Variants in FAM120C observed in about 807,000 individuals in gnomAD.
FAM120C encodes family with sequence similarity 120 member C, also known as constitutive coactivator of PPAR-gamma-like protein 2.
FAM120C carries 14 observed loss-of-function variants against 71.2 expected under a neutral mutation model. That is an observed-to-expected ratio of 0.20 (90% CI 0.13 to 0.31). The LOEUF (loss-of-function observed/expected upper bound fraction) is 0.31. FAM120C is among the 10% of genes least tolerant of loss of function. The pLI is 1.00. For missense variants in FAM120C, 500 were observed against 879.0 expected (o/e 0.57, Z 5.45); for synonymous variants, 354 against 353.2 (o/e 1.00, Z -0.03).
At chrX:54,149,984 A>G (rs1231272672) in intron 4 of FAM120C, among the ~76,000 whole-genome samples, 2 of 112,474 alleles carry the variant, frequency 1.8e-5, no homozygotes, top group African/African-American at 3.2e-5. Context: ...ATAAAATCCC[A>G]GTTGAGCTCT....
At chrX:54,099,491 G>C (rs1400243402) in intron 10 of FAM120C, among the ~76,000 whole-genome samples, 2 of 111,768 alleles carry the variant, frequency 1.8e-5, no homozygotes, top group East Asian at 5.6e-4. Context: ...TTTAAATTTT[G>C]ATCTAGTCTA....
intron 15 of FAM120C, among the ~76,000 whole-genome samples, chrX:54,079,441 C>CGA (rs201642298): frequency 0.011 from 1,076 of 100,365 alleles, 11 homozygotes; most frequent in African/African-American, 0.027. Context: ...GAGACCCTGT[C>CGA]GAGAGAGAGA....
intron 10 of FAM120C, among the ~76,000 whole-genome samples, chrX:54,115,155 C>T (rs1392097289): frequency 4.5e-5 from 5 of 112,244 alleles, no homozygotes; most frequent in African/African-American, 1.3e-4. Context: ...GATACACATG[C>T]ACAGACACAT....
intron 10 of FAM120C, among the ~76,000 whole-genome samples, chrX:54,114,166 CAG>C (rs2066954407): frequency 1.8e-5 from 2 of 110,908 alleles, no homozygotes; most frequent in Non-Finnish European, 3.8e-5. Context: ...TGAAATAACT[CAG>C]AAAGTCAAGT....
intron 1 of FAM120C, among the ~76,000 whole-genome samples, chrX:54,181,199 T>C (rs1283611541): frequency 1.8e-5 from 2 of 110,839 alleles, no homozygotes; most frequent in Admixed American, 1.9e-4. Flanking sequence ...GGTCTTTTAG[T>C]CTCTGAGCTA....
chrX:54,080,343 C>G, intron 14 of FAM120C, 54 bp from the exon 15 acceptor site: 1 of 1,005,604 alleles, frequency 9.9e-7, no homozygotes, highest in East Asian at 3.0e-5. Context: ...CCACACACCC[C>G]TTTTCACTTG....
At chrX:54,149,160 T>A (rs2067172264) in intron 4 of FAM120C, among the ~76,000 whole-genome samples, 1 of 112,363 alleles carries the variant, frequency 8.9e-6, no homozygotes, top group African/African-American at 3.2e-5. Context: ...GCTCTATTCA[T>A]AACACCATAA....
chrX:54,133,331 C>CAAAAT (rs1223912770), intron 8 of FAM120C, among the ~76,000 whole-genome samples: 1 of 108,667 alleles, frequency 9.2e-6, no homozygotes, highest in African/African-American at 3.3e-5. Context: ...AAAAATAAAA[C>CAAAAT]AAAATAAAAT....
In FAM120C at chrX:54,080,365, G is replaced by T. The variant is rs1169847139; in HGVS notation, c.2979-76C>A. On this transcript the variant is annotated intron_variant, in intron 14 of 15. Coordinates refer to ENST00000375180, the MANE Select transcript of FAM120C (RefSeq NM_017848.6). Reference sequence around the variant, plus strand: ...CCCCTTTTCACTTGGTTAACTATTCGTCTCCTCTTAGAAGTTTGACCCTCT... The same window carrying T: ...CCCCTTTTCACTTGGTTAACTATTCTTCTCCTCTTAGAAGTTTGACCCTCT... The T allele has an allele frequency of 4.8e-6, 4 of 841,087 alleles. No homozygotes were observed. The African/African-American group carries it at 8.1e-5, about 17-fold the overall frequency. The allele number at this position is 841,087 out of a possible 1,213,427, so 69.3% of individuals were successfully genotyped here. A position where few individuals can be genotyped will look rare whatever the true frequency, so the allele number is the denominator to read the frequency against.
chrX:54,134,647 C>A (rs1245349999), intron 7 of FAM120C, among the ~76,000 whole-genome samples, 184 bp downstream of exon 7: 1 of 111,979 alleles, frequency 8.9e-6, no homozygotes, highest in Non-Finnish European at 1.9e-5. Context: ...ACCATCTGCA[C>A]AGGGCCAAAT....
chrX:54,130,455 A>G (rs1202251052), intron 9 of FAM120C, among the ~76,000 whole-genome samples: 3 of 111,468 alleles, frequency 2.7e-5, no homozygotes, highest in Non-Finnish European at 5.6e-5. Flanking sequence ...TTCTGGTTCT[A>G]GGTATGATGA....
At chrX:54,092,824 C>T (rs782003198) in intron 10 of FAM120C, among the ~76,000 whole-genome samples, 2 of 111,073 alleles carry the variant, frequency 1.8e-5, no homozygotes, top group Non-Finnish European at 3.8e-5. Flanking sequence ...ATTTCATTGG[C>T]AAAATGTAAA....
intron 9 of FAM120C, among the ~76,000 whole-genome samples, chrX:54,126,547 C>A (rs1557127984): frequency 8.9e-6 from 1 of 112,187 alleles, no homozygotes; most frequent in African/African-American, 3.2e-5. Context: ...CCACATATGG[C>A]AAGGAATGAC....
chrX:54,130,063 C>G (rs868913352), intron 9 of FAM120C, among the ~76,000 whole-genome samples: 11 of 50,481 alleles, frequency 2.2e-4, no homozygotes, highest in East Asian at 6.6e-4. Flanking sequence ...GGGAGAGGGA[C>G]ACCGTGGGGA....
intron 10 of FAM120C, among the ~76,000 whole-genome samples, chrX:54,100,064 C>T (rs2146575008): frequency 8.9e-6 from 1 of 112,171 alleles, no homozygotes; most frequent in South Asian, 3.7e-4. Context: ...AAGTTATCTA[C>T]TTCCAAGATC....
chrX:54,108,668 C>T (rs966720039), intron 10 of FAM120C, among the ~76,000 whole-genome samples: 4 of 111,246 alleles, frequency 3.6e-5, no homozygotes, highest in Non-Finnish European at 7.5e-5. Flanking sequence ...CGGTGGCTCA[C>T]GCCTGTAATC....
intron 10 of FAM120C, among the ~76,000 whole-genome samples, chrX:54,093,883 T>C (rs951999251): frequency 9.0e-6 from 1 of 111,541 alleles, no homozygotes; most frequent in South Asian, 3.7e-4. Flanking sequence ...TTATTGCTAT[T>C]AGTAGTTACA....
intron 10 of FAM120C, among the ~76,000 whole-genome samples, chrX:54,108,669 G>A (rs1237047254): frequency 3.6e-5 from 4 of 111,124 alleles, no homozygotes; most frequent in Non-Finnish European, 7.5e-5. Context: ...GGTGGCTCAC[G>A]CCTGTAATCC....
intron 15 of FAM120C, among the ~76,000 whole-genome samples, chrX:54,079,856 A>C (rs908464544): frequency 9.0e-6 from 1 of 111,510 alleles, no homozygotes; most frequent in East Asian, 2.8e-4. Flanking sequence ...AAGGCAAAGA[A>C]GTCCAATTTT....
Sources: gnomAD v4.1 joint callset for allele counts (sites outside exome capture counted in the v4.1 genomes callset) on GRCh38, gnomAD v4.1.1 for gene constraint, MANE v1.5 for transcripts, NCBI Gene and HGNC (gene_info 2026-07-23, HGNC 2026-07-21) for gene names.